Variants in CPEB3 observed in about 807,000 individuals in gnomAD.
The protein encoded by CPEB3 is cytoplasmic polyadenylation element binding protein 3, also known as cytoplasmic polyadenylation element-binding protein 3.
A neutral mutation model predicts 67.2 loss-of-function variants in CPEB3; 20 were observed. The observed-to-expected ratio is 0.30, with a 90% CI of 0.21 to 0.43. The LOEUF (loss-of-function observed/expected upper bound fraction) is 0.43, where lower values mean the gene tolerates loss of function less well. Ranked by LOEUF, CPEB3 falls within the 20% of genes least tolerant of loss-of-function variation. The pLI, the probability that CPEB3 is intolerant of heterozygous loss-of-function variation, is 1.00. For synonymous variants in CPEB3, 376 were observed against 393.1 expected (o/e 0.96, Z 0.51); for missense variants, 746 against 968.6 (o/e 0.77, Z 3.05).
chr10:92,265,068 A>T (rs1189053802), intron 1 of CPEB3, among the ~76,000 whole-genome samples: 5 of 151,942 alleles, frequency 3.3e-5, no homozygotes, highest in Non-Finnish European at 7.4e-5. Flanking sequence ...AGGCTGAGGC[A>T]GGAGAATCAC....
chr10:92,059,482 A>T (rs1392096542), intron 9 of CPEB3, among the ~76,000 whole-genome samples: 2 of 152,126 alleles, frequency 1.3e-5, no homozygotes, highest in East Asian at 3.8e-4. Context: ...ATACAGCAAA[A>T]GCAGTACTAA....
chr10:92,262,896 T>G (rs543259628), intron 1 of CPEB3, among the ~76,000 whole-genome samples: 18 of 152,106 alleles, frequency 1.2e-4, no homozygotes, highest in Admixed American at 9.8e-4. Flanking sequence ...TGTGGCTCAC[T>G]GCAGTCTTGA....
At chr10:92,265,246 T>C (rs1853002113) in intron 1 of CPEB3, among the ~76,000 whole-genome samples, 1 of 152,208 alleles carries the variant, frequency 6.6e-6, no homozygotes. Flanking sequence ...TTGGGCCTTT[T>C]ACCTTTCTCC....
intron 1 of CPEB3, among the ~76,000 whole-genome samples, chr10:92,270,411 G>A (rs1853253622): frequency 6.6e-6 from 1 of 152,042 alleles, no homozygotes; most frequent in African/African-American, 2.4e-5. Context: ...AGGAGAAGGA[G>A]GTGATACATT....
chr10:92,287,836 TC>T (rs1475102937), intron 1 of CPEB3, among the ~76,000 whole-genome samples: 1 of 152,182 alleles, frequency 6.6e-6, no homozygotes, highest in Non-Finnish European at 1.5e-5. Flanking sequence ...AATACTTTCA[TC>T]CCTCTAATAA....
intron 1 of CPEB3, among the ~76,000 whole-genome samples, chr10:92,267,596 G>A (rs1004120879): frequency 1.3e-5 from 2 of 152,184 alleles, no homozygotes; most frequent in African/African-American, 4.8e-5. Context: ...AGAACAGACT[G>A]TGGCAGAGTT....
intron 2 of CPEB3, among the ~76,000 whole-genome samples, chr10:92,231,270 C>A (rs919853429): frequency 1.3e-5 from 2 of 152,154 alleles, no homozygotes; most frequent in African/African-American, 4.8e-5. Context: ...CTTCTAGCCC[C>A]CTCCACTACA....
intron 3 of CPEB3, among the ~76,000 whole-genome samples, chr10:92,188,293 G>A (rs577124186): frequency 2.3e-4 from 6 of 26,128 alleles, no homozygotes; most frequent in African/African-American, 8.4e-4. Context: ...TCTCTCAAAC[G>A]AAAAGAAAAG....
At chr10:92,191,626 T>C (rs759906852) in intron 3 of CPEB3, among the ~76,000 whole-genome samples, 61 of 152,062 alleles carry the variant, frequency 4.0e-4, no homozygotes, top group Non-Finnish European at 1.0e-4. Flanking sequence ...CCGGAGGGGA[T>C]TGAATTTCTC....
At chr10:92,052,516 C>A in intron 9 of CPEB3, 77 bp from the exon 10 acceptor site, 1 of 1,259,938 alleles carries the variant, frequency 7.9e-7, no homozygotes. Flanking sequence ...AGAGTTTACA[C>A]TATAGCTTCA....
At chr10:92,171,360 C>G (rs1847991943) in intron 4 of CPEB3, among the ~76,000 whole-genome samples, 1 of 152,342 alleles carries the variant, frequency 6.6e-6, no homozygotes, top group Non-Finnish European at 1.5e-5. Flanking sequence ...CCCGATACTA[C>G]TTGATTCGTT....
In CPEB3 at chr10:92,246,545, T is replaced by C. The variant is rs571507841; in HGVS notation, c.-11-6184A>G. Among the ~76,000 whole-genome samples the C allele has an allele frequency of 3.3e-5, 5 of 151,412 alleles. No homozygotes were observed. In the East Asian group the frequency reaches 7.9e-4, roughly 24 times the overall value. On this transcript the variant is annotated intron_variant, in intron 1 of 9. Coordinates refer to ENST00000265997, the MANE Select transcript of CPEB3 (RefSeq NM_014912.5). Reference sequence around the variant, plus strand: ...TTTTTTGAGACAGAGTCTCACTCTGTTGCCCAGGCTGGAGTGCAGTGGCAC... The same window carrying C: ...TTTTTTGAGACAGAGTCTCACTCTGCTGCCCAGGCTGGAGTGCAGTGGCAC...
intron 1 of CPEB3, among the ~76,000 whole-genome samples, chr10:92,241,224 G>GAGCCT (rs1309217033): frequency 1.3e-5 from 2 of 150,492 alleles, no homozygotes; most frequent in Non-Finnish European, 3.0e-5. Flanking sequence ...GTCTCAACAG[G>GAGCCT]AGCCTAAGAA....
At chr10:92,289,734 T>TATAA in intron 1 of CPEB3, among the ~76,000 whole-genome samples, 1 of 48,954 alleles carries the variant, frequency 2.0e-5, no homozygotes, top group Non-Finnish European at 3.6e-5. Flanking sequence ...AAAAAAAAAA[T>TATAA]ATATATATAT....
chr10:92,084,679 A>G (rs1358507614), intron 8 of CPEB3, among the ~76,000 whole-genome samples: 1 of 152,120 alleles, frequency 6.6e-6, no homozygotes, highest in Non-Finnish European at 1.5e-5. Context: ...TCCTGGGTTC[A>G]CACCATTCTT....
chr10:92,075,493 A>G (rs1406073592), intron 9 of CPEB3, among the ~76,000 whole-genome samples: 1 of 152,234 alleles, frequency 6.6e-6, no homozygotes, highest in Non-Finnish European at 1.5e-5. Flanking sequence ...ATGTAAATAT[A>G]CGAAAAAACA....
chr10:92,261,007 A>T (rs1852774136), intron 1 of CPEB3, among the ~76,000 whole-genome samples: 1 of 152,148 alleles, frequency 6.6e-6, no homozygotes, highest in South Asian at 2.1e-4. Context: ...TAATGAAAAA[A>T]ACCTTTGTTT....
chr10:92,250,409 A>G (rs1852244269), intron 1 of CPEB3, among the ~76,000 whole-genome samples: 1 of 152,140 alleles, frequency 6.6e-6, no homozygotes, highest in South Asian at 2.1e-4. Context: ...AAAAAATTTA[A>G]AAGTTTAAAA....
At chr10:92,188,390 A>C (rs1439656540) in intron 3 of CPEB3, among the ~76,000 whole-genome samples, 1 of 148,994 alleles carries the variant, frequency 6.7e-6, no homozygotes, top group Non-Finnish European at 1.5e-5. Context: ...ACAGCCAAGC[A>C]CGTAGTTTGG....
Sources: gnomAD v4.1 joint callset for allele counts (sites outside exome capture counted in the v4.1 genomes callset) on GRCh38, gnomAD v4.1.1 for gene constraint, MANE v1.5 for transcripts, NCBI Gene and HGNC (gene_info 2026-07-23, HGNC 2026-07-21) for gene names.